Variants in PDE1A observed in about 807,000 individuals in gnomAD.
The protein encoded by PDE1A is phosphodiesterase 1A.
A neutral mutation model predicts 61.7 loss-of-function variants in PDE1A; 35 were observed. The ratio of observed to expected loss-of-function variants is 0.57; its 90% CI spans 0.43 to 0.75. The LOEUF is 0.75. PDE1A is among the 30% of genes least tolerant of loss of function. The probability of loss-of-function intolerance (pLI) is 0.00; values close to 1 mark genes in which losing one functional copy is unlikely to be tolerated. For synonymous variants in PDE1A, 232 were observed against 213.2 expected (o/e 1.09, Z -0.77); for missense variants, 597 against 630.6 (o/e 0.95, Z 0.57).
the PDE1A span, among the ~76,000 whole-genome samples, chr2:182,640,968 C>T: frequency 2.9e-5 from 4 of 136,732 alleles, no homozygotes; most frequent in South Asian, 2.3e-4. Flanking sequence ...TGCAGTGAGC[C>T]GAGATCACAC....
intron 13 of PDE1A, among the ~76,000 whole-genome samples, chr2:182,147,740 T>A (rs1376982295): frequency 6.6e-6 from 1 of 152,190 alleles, no homozygotes; most frequent in Non-Finnish European, 1.5e-5. Context: ...AATGTTTAGA[T>A]GAAAGAGTCT....
At chr2:182,570,848 C>A in the PDE1A span, among the ~76,000 whole-genome samples, 1 of 152,098 alleles carries the variant, frequency 6.6e-6, no homozygotes, top group Non-Finnish European at 1.5e-5. Flanking sequence ...GAGAAAATGG[C>A]ACGGGATAGA....
At chr2:182,470,197 G>T (rs924268721) in intron 2 of PDE1A, among the ~76,000 whole-genome samples, 4 of 151,808 alleles carry the variant, frequency 2.6e-5, no homozygotes, top group African/African-American at 9.7e-5. Context: ...CAAGTGTAAT[G>T]AAATGAGGTG....
chr2:182,465,297 C>T (rs1404623104), intron 2 of PDE1A, among the ~76,000 whole-genome samples: 2 of 151,972 alleles, frequency 1.3e-5, no homozygotes, highest in Non-Finnish European at 2.9e-5. Flanking sequence ...ATGTCTATGC[C>T]TAAGAATTTT....
At chr2:182,318,269 TTTG>T (rs1696472839) in intron 1 of PDE1A, among the ~76,000 whole-genome samples, 1 of 152,108 alleles carries the variant, frequency 6.6e-6, no homozygotes. Flanking sequence ...TCAAATTATA[TTTG>T]TTATTTCTAA....
At chr2:182,462,208 G>T (rs1198069063) in intron 2 of PDE1A, among the ~76,000 whole-genome samples, 1 of 151,954 alleles carries the variant, frequency 6.6e-6, no homozygotes. Flanking sequence ...TAATGTAAAT[G>T]ACGAGTTAAT....
chr2:182,610,414 C>T, the PDE1A span, among the ~76,000 whole-genome samples: 1 of 152,160 alleles, frequency 6.6e-6, no homozygotes, highest in Admixed American at 6.5e-5. Context: ...TCAGCTCCTA[C>T]AGCTGTAATC....
chr2:182,188,102 T>A (rs1685380626), intron 11 of PDE1A, among the ~76,000 whole-genome samples: 1 of 152,102 alleles, frequency 6.6e-6, no homozygotes, highest in Admixed American at 6.6e-5. Flanking sequence ...TCACCTCTAC[T>A]AACATGGCAG....
At chr2:182,201,656 A>AAAAAAC in intron 9 of PDE1A, 32 bp downstream of exon 9, 1 of 1,552,430 alleles carries the variant, frequency 6.4e-7, no homozygotes, top group Admixed American at 2.1e-5. Flanking sequence ...ATGACAAAAA[A>AAAAAAC]AAAAAAACAA....
chr2:182,405,631 G>A (rs1702255715), intron 1 of PDE1A, among the ~76,000 whole-genome samples: 1 of 152,074 alleles, frequency 6.6e-6, no homozygotes. Context: ...TGGGTGAAGG[G>A]GGCTGCTGGA....
At chr2:182,361,468 T>C (rs1423847078) in intron 1 of PDE1A, among the ~76,000 whole-genome samples, 2 of 152,100 alleles carry the variant, frequency 1.3e-5, no homozygotes, top group Non-Finnish European at 2.9e-5. Flanking sequence ...AAACTACTTG[T>C]TTGTCTAATA....
rs540867696 is a variant in PDE1A, at chr2:182,520,318, T to C, written c.101+1958A>G. On this transcript the variant is annotated intron_variant, in intron 2 of 14. Transcript: ENST00000410103. ...TAAGTCAAAGTACAAGTTAAAGTGA[T>C]AGTACCAAAATGCAATTTCTTCTTT... 1.6e-3 allele frequency among the ~76,000 whole-genome samples: 243 copies of C among 152,072 alleles called. 2 individuals carry two copies. Among genetic ancestry groups the C allele is most frequent in the African/African-American group, 5.6e-3 (232 of 41,568 alleles).
intron 2 of PDE1A, among the ~76,000 whole-genome samples, chr2:182,243,132 A>G (rs1690685018): frequency 6.6e-6 from 1 of 152,170 alleles, no homozygotes; most frequent in South Asian, 2.1e-4. Context: ...ATGAAATAAA[A>G]TGCCTTTTTA....
chr2:182,547,713 A>G, the PDE1A span, among the ~76,000 whole-genome samples: 1 of 152,216 alleles, frequency 6.6e-6, no homozygotes, highest in Non-Finnish European at 1.5e-5. Context: ...TTTGGCAGTT[A>G]CCAGAAGGCC....
chr2:182,254,864 G>A (rs914129099), intron 2 of PDE1A, among the ~76,000 whole-genome samples: 15 of 152,086 alleles, frequency 9.9e-5, no homozygotes, highest in East Asian at 1.9e-4. Flanking sequence ...GTTCTTAAGC[G>A]TATGACTTAA....
intron 2 of PDE1A, among the ~76,000 whole-genome samples, chr2:182,258,922 C>T (rs1157376874): frequency 6.6e-6 from 1 of 152,076 alleles, no homozygotes; most frequent in African/African-American, 2.4e-5. Context: ...GTTCTTGTGC[C>T]TAGGTTTGTC....
chr2:182,347,518 C>T (rs1348670936), intron 1 of PDE1A, among the ~76,000 whole-genome samples: 1 of 152,086 alleles, frequency 6.6e-6, no homozygotes, highest in Non-Finnish European at 1.5e-5. Context: ...TAATAACATA[C>T]TTTCTTTGCC....
At chr2:182,225,194 A>C (rs557450279) in intron 6 of PDE1A, among the ~76,000 whole-genome samples, 49 of 152,028 alleles carry the variant, frequency 3.2e-4, no homozygotes, top group African/African-American at 1.1e-3. Flanking sequence ...GCAAATGTAG[A>C]ATCATACTAT....
At chr2:182,390,886 G>T (rs1701384046) in intron 1 of PDE1A, among the ~76,000 whole-genome samples, 1 of 152,174 alleles carries the variant, frequency 6.6e-6, no homozygotes, top group Non-Finnish European at 1.5e-5. Flanking sequence ...ACCATGCACT[G>T]CCTGAGGCAA....
Sources: allele counts gnomAD v4.1 joint callset (sites outside exome capture counted in the v4.1 genomes callset), GRCh38; gene constraint gnomAD v4.1.1; transcripts MANE v1.5; gene names NCBI Gene and HGNC (gene_info 2026-07-23, HGNC 2026-07-21).